Variants in DOCK3 observed in about 807,000 individuals in gnomAD.
DOCK3 encodes dedicator of cytokinesis 3.
In DOCK3, 60 loss-of-function variants were observed where a neutral mutation model predicts 265.6. The observed-to-expected ratio is 0.23, with a 90% CI of 0.18 to 0.28. The LOEUF (loss-of-function observed/expected upper bound fraction) is 0.28. DOCK3 is among the 10% of genes least tolerant of loss of function. The pLI, the probability that DOCK3 is intolerant of heterozygous loss-of-function variation, is 1.00. For missense variants in DOCK3, 1,981 were observed against 2,594.3 expected, an observed-to-expected ratio of 0.76 and a Z score of 5.14; for synonymous variants, 881 against 938.0, an observed-to-expected ratio of 0.94 and a Z score of 1.11.
At position 50,754,488 on chromosome 3, in the gene DOCK3, A is replaced by C. The variant is rs955971378; in HGVS notation, c.38-24187A>C. On this transcript the variant is annotated intron_variant, in intron 1 of 52. Transcript: ENST00000266037. ...ATTGAAAAAATGTTGCGGGAACTGT[A>C]CTTTGAGCACATAAACATATTTGCT... Among the ~76,000 whole-genome samples, 3 of 152,134 alleles carry C rather than the reference A, an allele frequency of 2.0e-5. No homozygotes were observed. The East Asian group carries it at 5.8e-4, about 29-fold the overall frequency.
chr3:50,945,885 G>T (rs2108274110), intron 5 of DOCK3, among the ~76,000 whole-genome samples: 1 of 152,118 alleles, frequency 6.6e-6, no homozygotes, highest in Middle Eastern at 3.4e-3. Context: ...CTTCACTGTA[G>T]GGGATAATGG....
At position 50,744,560 on chromosome 3, in the gene DOCK3, G is replaced by C. The variant is rs201139046; in HGVS notation, c.38-34115G>C. Among the ~76,000 whole-genome samples the C allele has an allele frequency of 1.1e-4, 17 of 151,738 alleles. No individual in the cohort carries two copies. The East Asian group carries it at 3.3e-3, about 30-fold the overall frequency. Reference sequence around the variant, plus strand: ...GGTTATCCTCCACCTCAGTCTCCTAGGTAGCTGGGACTACAGGCACGTGCC... The same window carrying C: ...GGTTATCCTCCACCTCAGTCTCCTACGTAGCTGGGACTACAGGCACGTGCC... On this transcript the variant is annotated intron_variant, in intron 1 of 52. Transcript: ENST00000266037.
At chr3:51,124,797 G>C (rs1302007714) in intron 9 of DOCK3, among the ~76,000 whole-genome samples, 2 of 152,076 alleles carry the variant, frequency 1.3e-5, no homozygotes, top group Non-Finnish European at 2.9e-5. Flanking sequence ...TCTTGTCTCT[G>C]TAGCTTATTA....
intron 32 of DOCK3, among the ~76,000 whole-genome samples, chr3:51,321,305 C>A (rs1243432464): frequency 6.6e-6 from 1 of 152,180 alleles, no homozygotes; most frequent in Non-Finnish European, 1.5e-5. Context: ...GACGTCCACA[C>A]AGAGACCTCA....
intron 1 of DOCK3, among the ~76,000 whole-genome samples, chr3:50,713,681 G>A (rs1026655471): frequency 9.9e-5 from 15 of 151,502 alleles, no homozygotes; most frequent in South Asian, 8.3e-4. Context: ...TTTAGATTCT[G>A]AGCTCTGGAT....
intron 35 of DOCK3, 122 bp from the exon 36 acceptor site, chr3:51,338,237 C>T (rs2084993071): frequency 9.6e-7 from 1 of 1,037,722 alleles, no homozygotes; most frequent in Admixed American, 2.1e-5. Flanking sequence ...GGAAGCAGTT[C>T]CTGTTGGAGG....
At position 50,709,909 on chromosome 3, in the gene DOCK3, G is replaced by C. The variant is rs548960932; in HGVS notation, c.37+34609G>C. On this transcript the variant is annotated intron_variant, in intron 1 of 52. Coordinates refer to ENST00000266037, the MANE Select transcript of DOCK3 (RefSeq NM_004947.5). ...TTGTTCAGTGTTTTTATTGCAAAAGGATGCTGGAAGCTGGGCATGCTGATG... is the reference window on the plus strand; with the variant it reads ...TTGTTCAGTGTTTTTATTGCAAAAGCATGCTGGAAGCTGGGCATGCTGATG... 2.0e-5 allele frequency among the ~76,000 whole-genome samples: 3 copies of C among 152,252 alleles called. No individual in the cohort carries two copies. The South Asian group carries it at 6.2e-4, about 32-fold the overall frequency.
intron 7 of DOCK3, among the ~76,000 whole-genome samples, chr3:51,084,891 T>C (rs2082365520): frequency 6.6e-6 from 1 of 152,178 alleles, no homozygotes. Flanking sequence ...ACTGCCTGAA[T>C]TGATTTTAAA....
intron 12 of DOCK3, among the ~76,000 whole-genome samples, chr3:51,176,050 T>C (rs1244693531): frequency 2.6e-5 from 4 of 152,236 alleles, no homozygotes; most frequent in African/African-American, 4.8e-5. Flanking sequence ...CAGTTGCCAC[T>C]ATCTGTAGCC....
At chr3:51,098,884 G>A (rs779018021) in intron 9 of DOCK3, among the ~76,000 whole-genome samples, 1 of 152,148 alleles carries the variant, frequency 6.6e-6, no homozygotes, top group Admixed American at 6.5e-5. Flanking sequence ...GTCATTGTCA[G>A]TATACTTAAA....
At chr3:50,901,948 A>G (rs1404579032) in intron 4 of DOCK3, among the ~76,000 whole-genome samples, 2 of 152,158 alleles carry the variant, frequency 1.3e-5, no homozygotes, top group African/African-American at 4.8e-5. Context: ...GAAAGCAGCT[A>G]TTCTTCTTGA....
intron 49 of DOCK3, among the ~76,000 whole-genome samples, chr3:51,365,138 T>G (rs575731356): frequency 3.3e-5 from 5 of 152,236 alleles, no homozygotes; most frequent in African/African-American, 4.8e-5. Flanking sequence ...AACTTCCATT[T>G]GTTTGTGTCC....
chr3:51,163,940 G>A (rs887076635), intron 12 of DOCK3, among the ~76,000 whole-genome samples: 2 of 151,818 alleles, frequency 1.3e-5, no homozygotes, highest in African/African-American at 4.8e-5. Flanking sequence ...CCATGTCATC[G>A]GGTCTTTGTC....
intron 22 of DOCK3, among the ~76,000 whole-genome samples, chr3:51,249,353 C>T (rs1374884525): frequency 6.9e-6 from 1 of 144,132 alleles, no homozygotes; most frequent in South Asian, 2.2e-4. Context: ...GCCCGGCCAG[C>T]CGCCCAGTCC....
At chr3:51,302,162 A>G (rs1461921375) in intron 27 of DOCK3, among the ~76,000 whole-genome samples, 1 of 152,078 alleles carries the variant, frequency 6.6e-6, no homozygotes. Flanking sequence ...TGTTGCATTG[A>G]TCCCTTTACC....
At chr3:51,155,173 A>G (rs934699362) in intron 10 of DOCK3, among the ~76,000 whole-genome samples, 7 of 151,032 alleles carry the variant, frequency 4.6e-5, no homozygotes, top group African/African-American at 1.2e-4. Context: ...GCGTCTTGCT[A>G]TTTTGCCCAG....
chr3:51,081,673 A>G (rs1423754923), intron 7 of DOCK3, among the ~76,000 whole-genome samples: 1 of 152,122 alleles, frequency 6.6e-6, no homozygotes, highest in Non-Finnish European at 1.5e-5. Context: ...AGGCAGACAG[A>G]TCACGAGGTC....
intron 12 of DOCK3, among the ~76,000 whole-genome samples, chr3:51,199,573 G>A (rs1423582121): frequency 6.6e-6 from 1 of 152,242 alleles, no homozygotes; most frequent in Non-Finnish European, 1.5e-5. Context: ...AGCTCAAGGA[G>A]GCCTGCCTGC....
intron 9 of DOCK3, among the ~76,000 whole-genome samples, chr3:51,136,381 C>T (rs1384418126): frequency 1.3e-5 from 2 of 152,058 alleles, no homozygotes; most frequent in South Asian, 4.1e-4. Context: ...CACCCACCAC[C>T]ACACCCGGCT....
Sources: gnomAD v4.1 joint callset for allele counts (sites outside exome capture counted in the v4.1 genomes callset) on GRCh38, gnomAD v4.1.1 for gene constraint, MANE v1.5 for transcripts, NCBI Gene and HGNC (gene_info 2026-07-23, HGNC 2026-07-21) for gene names.